ARHGAP6: variants seen among roughly 807,000 people sequenced by gnomAD.
ARHGAP6 encodes rho GTPase-activating protein 6.
In ARHGAP6, 16 loss-of-function variants were observed where a neutral mutation model predicts 55.7. The observed-to-expected ratio is 0.29, with a 90% CI of 0.19 to 0.44. The LOEUF (loss-of-function observed/expected upper bound fraction) is 0.44. ARHGAP6 is among the 20% of genes least tolerant of loss of function. The pLI is 1.00. For synonymous variants in ARHGAP6, 382 were observed against 360.9 expected, an observed-to-expected ratio of 1.06 and a Z score of -0.66; for missense variants, 698 against 808.9, an observed-to-expected ratio of 0.86 and a Z score of 1.66.
At chrX:11,490,131 C>T (rs910067506) in intron 1 of ARHGAP6, among the ~76,000 whole-genome samples, 1 of 111,442 alleles carries the variant, frequency 9.0e-6, no homozygotes, top group Admixed American at 9.5e-5. Flanking sequence ...TGGGCAGAAC[C>T]TGTGACTTAC....
chrX:11,298,544 C>A (rs770771001), intron 1 of ARHGAP6: 1 of 1,211,572 alleles, frequency 8.3e-7, no homozygotes, highest in Non-Finnish European at 1.1e-6. Flanking sequence ...CTGTTTCTCA[C>A]CAGTACCCTT....
intron 1 of ARHGAP6, among the ~76,000 whole-genome samples, chrX:11,448,698 C>T (rs1395686789): frequency 1.8e-5 from 2 of 111,179 alleles, no homozygotes; most frequent in African/African-American, 6.5e-5. Context: ...TGAAAGGCCC[C>T]ATAGATGATG....
intron 1 of ARHGAP6, among the ~76,000 whole-genome samples, chrX:11,514,112 A>T (rs768173768): frequency 2.1e-5 from 2 of 95,792 alleles, no homozygotes; most frequent in South Asian, 1.2e-3. Flanking sequence ...CAGTGAGCTA[A>T]GATTTTGCCA....
intron 1 of ARHGAP6, among the ~76,000 whole-genome samples, chrX:11,610,491 T>C (rs1199974701): frequency 8.9e-6 from 1 of 111,838 alleles, no homozygotes; most frequent in Non-Finnish European, 1.9e-5. Context: ...GATTGTTATA[T>C]GCACTCTAAA....
chrX:11,389,374 AC>A (rs1386238230), intron 1 of ARHGAP6, among the ~76,000 whole-genome samples: 4 of 112,686 alleles, frequency 3.5e-5, no homozygotes, highest in African/African-American at 1.3e-4. Context: ...TTAAAGAAAA[AC>A]AAAAAAGCCT....
intron 1 of ARHGAP6, among the ~76,000 whole-genome samples, chrX:11,601,048 C>T (rs1017807011): frequency 1.8e-5 from 2 of 112,168 alleles, no homozygotes; most frequent in Admixed American, 9.5e-5. Flanking sequence ...GAGGCATGTC[C>T]AGAGATTGGC....
At chrX:11,214,484 C>T (rs187548244) in intron 2 of ARHGAP6, among the ~76,000 whole-genome samples, 28 of 112,851 alleles carry the variant, frequency 2.5e-4, no homozygotes, top group Admixed American at 1.6e-3. Flanking sequence ...GTGGCTGGAA[C>T]GAGCCTGGGG....
intron 2 of ARHGAP6, among the ~76,000 whole-genome samples, chrX:11,228,887 T>C (rs2047091288): frequency 8.9e-6 from 1 of 112,221 alleles, no homozygotes; most frequent in South Asian, 3.7e-4. Context: ...AATTAGTGTA[T>C]CTCCTCTATC....
chrX:11,562,151 C>A (rs2051391120), intron 1 of ARHGAP6, among the ~76,000 whole-genome samples: 1 of 112,047 alleles, frequency 8.9e-6, no homozygotes, highest in African/African-American at 3.2e-5. Flanking sequence ...TAGGCCAGAC[C>A]TGAATACCAA....
chrX:11,566,925 T>C (rs1309152818), intron 1 of ARHGAP6, among the ~76,000 whole-genome samples: 4 of 112,242 alleles, frequency 3.6e-5, no homozygotes, highest in Non-Finnish European at 7.5e-5. Context: ...TTCTAAAATG[T>C]GAAAACATTT....
chrX:11,517,450 C>T (rs989671083), intron 1 of ARHGAP6, among the ~76,000 whole-genome samples: 6 of 111,654 alleles, frequency 5.4e-5, no homozygotes, highest in South Asian at 7.5e-4. Context: ...CTAATTTCTG[C>T]TTTTAATCTT....
intron 1 of ARHGAP6, among the ~76,000 whole-genome samples, chrX:11,586,534 T>C (rs777052389): frequency 3.1e-4 from 35 of 111,995 alleles, no homozygotes; most frequent in African/African-American, 1.1e-3. Context: ...GGTCTGTGTG[T>C]CTGTTTTTGT....
intron 1 of ARHGAP6, among the ~76,000 whole-genome samples, chrX:11,630,175 T>A (rs2052345481): frequency 8.9e-6 from 1 of 111,850 alleles, no homozygotes; most frequent in African/African-American, 3.3e-5. Context: ...GATAGAAAGT[T>A]GTTAGTAGAA....
chrX:11,555,512 G>C (rs191629410), intron 1 of ARHGAP6, among the ~76,000 whole-genome samples: 54 of 110,753 alleles, frequency 4.9e-4, no homozygotes, highest in Middle Eastern at 4.6e-3. Flanking sequence ...CCAGCACTTT[G>C]AGAGGCCAAG....
At chrX:11,333,113 C>T (rs183545651) in intron 1 of ARHGAP6, among the ~76,000 whole-genome samples, 1 of 112,015 alleles carries the variant, frequency 8.9e-6, no homozygotes, top group East Asian at 2.8e-4. Context: ...AACAGTAAGG[C>T]TATGGCGTCA....
At chrX:11,468,838 A>G (rs2050321258) in intron 1 of ARHGAP6, among the ~76,000 whole-genome samples, 1 of 112,706 alleles carries the variant, frequency 8.9e-6, no homozygotes, top group African/African-American at 3.2e-5. Context: ...ATCCCTTTGA[A>G]GTGGATATAT....
intron 1 of ARHGAP6, chrX:11,334,525 CTGTTCAGAA>C (rs777331567): frequency 8.7e-6 from 1 of 114,691 alleles, no homozygotes; most frequent in East Asian, 2.7e-4. Context: ...CAAACCCAGG[CTGTTCAGAA>C]TGGTAGAGGC....
chrX:11,550,203 A>G (rs2051252711), intron 1 of ARHGAP6, among the ~76,000 whole-genome samples: 1 of 111,907 alleles, frequency 8.9e-6, no homozygotes, highest in South Asian at 3.8e-4. Flanking sequence ...GAGCTTCTAC[A>G]CTATACTTTA....
At chrX:11,349,347 T>C (rs2048828353) in intron 1 of ARHGAP6, among the ~76,000 whole-genome samples, 1 of 111,312 alleles carries the variant, frequency 9.0e-6, no homozygotes. Flanking sequence ...TTGTTTCTAG[T>C]GTATTTATCA....
Sources: allele counts gnomAD v4.1 joint callset (sites outside exome capture counted in the v4.1 genomes callset), GRCh38; gene constraint gnomAD v4.1.1; transcripts MANE v1.5; gene names NCBI Gene and HGNC (gene_info 2026-07-23, HGNC 2026-07-21).